RPTOR: variants seen among roughly 807,000 people sequenced by gnomAD.
RPTOR encodes regulatory associated protein of MTOR complex 1, also known as regulatory-associated protein of mTOR.
A neutral mutation model predicts 169.9 loss-of-function variants in RPTOR; 21 were observed. The observed-to-expected ratio is 0.12, with a 90% confidence interval of 0.09 to 0.18. RPTOR has a LOEUF of 0.18. RPTOR is among the 10% of genes least tolerant of loss of function. The pLI is 1.00. For synonymous variants in RPTOR, 732 were observed against 753.2 expected, an observed-to-expected ratio of 0.97 and a Z score of 0.46; for missense variants, 1,133 against 1,855.9, an observed-to-expected ratio of 0.61 and a Z score of 7.16.
chr17:80,917,296 A>G (rs1408411730), intron 21 of RPTOR, among the ~76,000 whole-genome samples: 1 of 152,032 alleles, frequency 6.6e-6, no homozygotes, highest in Non-Finnish European at 1.5e-5. Flanking sequence ...TATTTTTAGT[A>G]GAGACGGGGT....
At chr17:80,902,142 GC>G (rs1339832822) in intron 20 of RPTOR, among the ~76,000 whole-genome samples, 4 of 152,058 alleles carry the variant, frequency 2.6e-5, no homozygotes, top group Non-Finnish European at 5.9e-5. Flanking sequence ...TATTTCCAGT[GC>G]CCCCATCCCA....
chr17:80,888,302 A>T (rs1017032968), intron 17 of RPTOR, among the ~76,000 whole-genome samples: 1 of 151,954 alleles, frequency 6.6e-6, no homozygotes, highest in Non-Finnish European at 1.5e-5. Flanking sequence ...TTTTGTAGAG[A>T]TGGGGTCTCG....
intron 3 of RPTOR, among the ~76,000 whole-genome samples, chr17:80,687,343 C>T (rs1408142348): frequency 1.3e-5 from 2 of 152,212 alleles, no homozygotes; most frequent in South Asian, 2.1e-4. Flanking sequence ...GTCATCTGAT[C>T]GAGCCACAGT....
At chr17:80,853,716 C>T (rs1312160463) in intron 11 of RPTOR, among the ~76,000 whole-genome samples, 4 of 152,186 alleles carry the variant, frequency 2.6e-5, no homozygotes, top group Admixed American at 1.3e-4. Flanking sequence ...CGGTGGCTCA[C>T]GCCTGTAATC....
At chr17:80,799,804 G>A (rs946404081) in intron 7 of RPTOR, among the ~76,000 whole-genome samples, 4 of 152,072 alleles carry the variant, frequency 2.6e-5, no homozygotes, top group Admixed American at 6.5e-5. Context: ...CGTTGGGAGC[G>A]TGTGAAGGAT....
intron 7 of RPTOR, among the ~76,000 whole-genome samples, chr17:80,794,310 T>C (rs943244768): frequency 2.6e-5 from 4 of 152,164 alleles, no homozygotes; most frequent in Admixed American, 6.5e-5. Context: ...AAAGAGGATT[T>C]AGGGATGGCA....
intron 7 of RPTOR, among the ~76,000 whole-genome samples, chr17:80,792,789 A>C (rs562450227): frequency 6.6e-6 from 1 of 152,088 alleles, no homozygotes; most frequent in Middle Eastern, 3.4e-3. Context: ...AGATCTGTTT[A>C]CTGGTATTGC....
At chr17:80,554,830 AG>A (rs1312344567) in intron 1 of RPTOR, among the ~76,000 whole-genome samples, 1 of 152,210 alleles carries the variant, frequency 6.6e-6, no homozygotes, top group Non-Finnish European at 1.5e-5. Flanking sequence ...TGGATATTAA[AG>A]AGATTTGCAA....
rs747895672 is a variant in RPTOR, at chr17:80,844,828, G to A, written c.1213-1645G>A. On this transcript the variant is annotated intron_variant, in intron 10 of 33. Coordinates refer to ENST00000306801, the MANE Select transcript of RPTOR (RefSeq NM_020761.3). The surrounding 1 kb of genome is among the most constrained non-coding windows in gnomAD (Gnocchi z 4.7). Reference sequence around the variant, plus strand: ...ATTCACTGGAACCCGGGGCACAGCCGACCCCGGCCAGATGAGCGGAGGGAG... The same window carrying A: ...ATTCACTGGAACCCGGGGCACAGCCAACCCCGGCCAGATGAGCGGAGGGAG... Among the ~76,000 whole-genome samples, 14 of 152,170 alleles carry A rather than the reference G, an allele frequency of 9.2e-5. No homozygotes were observed. The highest frequency in any genetic ancestry group is 2.0e-4 in the Admixed American group (3 of 15,282).
At position 80,966,115 on chromosome 17, in the gene RPTOR, AG is replaced by A. The variant is rs1673771364; in HGVS notation, c.*1786del. ...AAGGCAGGTGGCTCCAGAGGGGTCA[AG>A]ACCCCCCCCCGCCCCCGCTCCACCC... On this transcript the variant is annotated 3_prime_UTR_variant, in exon 34 of 34. Coordinates refer to ENST00000306801, the MANE Select transcript of RPTOR (RefSeq NM_020761.3). 4.9e-6 allele frequency: 1 copy of A among 202,092 alleles called. No homozygotes were observed. The highest frequency in any genetic ancestry group is 1.4e-3 in the Middle Eastern group (1 of 714). The allele number at this position is 202,092 out of a possible 1,614,324, so 12.5% of individuals were successfully genotyped here. A position where few individuals can be genotyped will look rare whatever the true frequency, so the allele number is the denominator to read the frequency against.
intron 5 of RPTOR, among the ~76,000 whole-genome samples, chr17:80,736,236 A>G (rs1455604060): frequency 6.6e-6 from 1 of 150,636 alleles, no homozygotes; most frequent in Non-Finnish European, 1.5e-5. Flanking sequence ...ATTCCCCCGC[A>G]CTCTGCAAGG....
At chr17:80,736,237 C>G (rs1205722455) in intron 5 of RPTOR, among the ~76,000 whole-genome samples, 1 of 152,100 alleles carries the variant, frequency 6.6e-6, no homozygotes, top group Non-Finnish European at 1.5e-5. Context: ...TTCCCCCGCA[C>G]TCTGCAAGGC....
intron 17 of RPTOR, among the ~76,000 whole-genome samples, 174 bp downstream of exon 17, chr17:80,885,322 G>C (rs992786764): frequency 2.6e-5 from 4 of 152,224 alleles, no homozygotes; most frequent in African/African-American, 4.8e-5. Flanking sequence ...TTCTTTACCA[G>C]ACACCCATGG....
At chr17:80,565,707 C>A (rs541565382) in intron 1 of RPTOR, among the ~76,000 whole-genome samples, 1 of 150,608 alleles carries the variant, frequency 6.6e-6, no homozygotes, top group South Asian at 2.1e-4. Context: ...GGAGCTGTCT[C>A]GCTCTGTACT....
rs773686997 is a variant in RPTOR, at chr17:80,822,185, G to T, written c.891-16G>T. The T allele has an allele frequency of 6.2e-7, 1 of 1,611,950 alleles. No homozygotes were observed. The highest frequency in any genetic ancestry group is 1.1e-5 in the South Asian group (1 of 91,038). On this transcript the variant is annotated splice_polypyrimidine_tract_variant and intron_variant, in intron 7 of 33. Transcript: ENST00000306801. ...GAGCTGTGGCATCACTCATGAGAAC[G>T]CCCCTTGTTTTCTAGGATCCCTGGC...
intron 20 of RPTOR, among the ~76,000 whole-genome samples, chr17:80,899,955 G>A (rs904255223): frequency 2.0e-5 from 3 of 152,150 alleles, no homozygotes; most frequent in African/African-American, 2.4e-5. Flanking sequence ...ATTCTCCCAC[G>A]GATTGGACAG....
In RPTOR at chr17:80,608,847, C is replaced by T. The variant is rs949722864; in HGVS notation, c.163-16844C>T. Among the ~76,000 whole-genome samples, 13 of 152,170 alleles carry T rather than the reference C, an allele frequency of 8.5e-5. No homozygotes were observed. In the South Asian group the frequency reaches 1.7e-3, roughly 19 times the overall value. Reference sequence around the variant, plus strand: ...GCAGATGCGGGAACAGGTGCTTCTGCGCGTGGTTCAGATGGAACCGCTATA... The same window carrying T: ...GCAGATGCGGGAACAGGTGCTTCTGTGCGTGGTTCAGATGGAACCGCTATA... On this transcript the variant is annotated intron_variant, in intron 1 of 33. Coordinates refer to ENST00000306801, the MANE Select transcript of RPTOR (RefSeq NM_020761.3).
chr17:80,719,875 A>G (rs569995666), intron 4 of RPTOR, among the ~76,000 whole-genome samples: 2 of 152,234 alleles, frequency 1.3e-5, no homozygotes, highest in South Asian at 4.2e-4. Flanking sequence ...CAGTTAAATA[A>G]TTATTCCATG....
At chr17:80,616,532 C>T (rs1483668218) in intron 1 of RPTOR, among the ~76,000 whole-genome samples, 4 of 152,154 alleles carry the variant, frequency 2.6e-5, no homozygotes, top group Admixed American at 1.3e-4. Flanking sequence ...CTCCTGACCT[C>T]GTGATCTGCC....
Sources: gnomAD v4.1 joint callset for allele counts (sites outside exome capture counted in the v4.1 genomes callset) on GRCh38, gnomAD v4.1.1 for gene constraint, Gnocchi (gnomAD v3.1) non-coding constraint, MANE v1.5 for transcripts, NCBI Gene and HGNC (gene_info 2026-07-23, HGNC 2026-07-21) for gene names.